PTPN9: variants seen among roughly 807,000 people sequenced by gnomAD.
PTPN9 encodes the protein tyrosine-protein phosphatase non-receptor type 9.
In PTPN9, 26 loss-of-function variants were observed where a neutral mutation model predicts 69.8. The observed-to-expected ratio is 0.37, with a 90% confidence interval of 0.27 to 0.52. The LOEUF (loss-of-function observed/expected upper bound fraction) is 0.52, where lower values mean the gene tolerates loss of function less well. PTPN9 is among the 20% of genes least tolerant of loss of function. The pLI, the probability that PTPN9 is intolerant of heterozygous loss-of-function variation, is 0.91. For missense variants in PTPN9, 549 were observed against 740.3 expected (o/e 0.74, Z 3.00); for synonymous variants, 274 against 272.5 (o/e 1.01, Z -0.05).
chr15:75,533,825 C>T (rs2141326342), intron 1 of PTPN9, among the ~76,000 whole-genome samples: 1 of 152,224 alleles, frequency 6.6e-6, no homozygotes, highest in African/African-American at 2.4e-5. Context: ...CTCCCAAGAG[C>T]AGCTATAATT....
chr15:75,561,412 T>C (rs2075103549), intron 1 of PTPN9, among the ~76,000 whole-genome samples: 2 of 150,266 alleles, frequency 1.3e-5, no homozygotes, highest in Admixed American at 6.6e-5. Context: ...AAATCTAGCT[T>C]AAAAACAGAA....
At chr15:75,560,709 T>C (rs2075100723) in intron 1 of PTPN9, among the ~76,000 whole-genome samples, 1 of 151,872 alleles carries the variant, frequency 6.6e-6, no homozygotes, top group South Asian at 2.1e-4. Context: ...CCCATCTATA[T>C]TTTGTTGCTG....
chr15:75,474,574 T>C (rs2074585825), intron 9 of PTPN9, among the ~76,000 whole-genome samples: 1 of 152,180 alleles, frequency 6.6e-6, no homozygotes, highest in Non-Finnish European at 1.5e-5. Context: ...TTAACAATAC[T>C]AGCATTCTTA....
chr15:75,529,208 A>C (rs2074944224), intron 1 of PTPN9, among the ~76,000 whole-genome samples: 1 of 152,000 alleles, frequency 6.6e-6, no homozygotes, highest in South Asian at 2.1e-4. Context: ...GCTGGTCTCC[A>C]ACTCCTGACC....
chr15:75,480,424 G>A (rs1370897420), intron 8 of PTPN9, among the ~76,000 whole-genome samples: 2 of 151,782 alleles, frequency 1.3e-5, no homozygotes, highest in African/African-American at 4.8e-5. Flanking sequence ...CTAACACGGC[G>A]AAACCCTGTC....
At chr15:75,512,491 C>T (rs773190392) in intron 5 of PTPN9, among the ~76,000 whole-genome samples, 33 of 152,140 alleles carry the variant, frequency 2.2e-4, no homozygotes, top group Non-Finnish European at 3.5e-4. Flanking sequence ...CTGGAGCCAG[C>T]TTAAGGTATT....
intron 1 of PTPN9, among the ~76,000 whole-genome samples, chr15:75,549,878 G>T (rs1163903732): frequency 1.3e-5 from 2 of 152,066 alleles, no homozygotes; most frequent in Non-Finnish European, 2.9e-5. Context: ...GGAGGCTGAG[G>T]TGGGAGGATT....
chr15:75,556,116 G>A (rs1038863317), intron 1 of PTPN9, among the ~76,000 whole-genome samples: 1 of 150,442 alleles, frequency 6.6e-6, no homozygotes, highest in African/African-American at 2.4e-5. Context: ...CCAGGCTGGA[G>A]TGCAGTGGCA....
At chr15:75,563,102 T>G (rs1156637621) in intron 1 of PTPN9, among the ~76,000 whole-genome samples, 1 of 152,160 alleles carries the variant, frequency 6.6e-6, no homozygotes, top group Non-Finnish European at 1.5e-5. Flanking sequence ...CACACTCAAG[T>G]AGGCCCAGGT....
In PTPN9 at chr15:75,469,909, A is replaced by G; in HGVS notation, c.1450T>C (p.Leu484=). The change falls in exon 12 of 13, where the codon TTG becomes CTG. Residue 484 remains leucine, a synonymous_variant. Transcript: ENST00000618819. ...PSSAASLIDF[L]RVVRNQQSLA... ...CTCTGCTGGTTTCTGACCACTCTCA[A>G]GAAGTCAATGAGGGAAGCTGCTGAG... 6.2e-7 allele frequency: 1 copy of G among 1,614,242 alleles called. No homozygotes were observed.
intron 7 of PTPN9, among the ~76,000 whole-genome samples, chr15:75,493,221 T>A (rs956111998): frequency 1.3e-5 from 2 of 149,792 alleles, no homozygotes; most frequent in Non-Finnish European, 1.5e-5. Flanking sequence ...TACAGAAGTT[T>A]AAAAAAAAAG....
chr15:75,484,764 A>G (rs1031782299), intron 8 of PTPN9, among the ~76,000 whole-genome samples: 96 of 152,316 alleles, frequency 6.3e-4, no homozygotes, highest in African/African-American at 2.2e-3. Flanking sequence ...TGCATTACAG[A>G]GAGGTCAGAC....
At chr15:75,563,715 C>G (rs528249780) in intron 1 of PTPN9, among the ~76,000 whole-genome samples, 1 of 152,116 alleles carries the variant, frequency 6.6e-6, no homozygotes. Flanking sequence ...TTCAGAAGTT[C>G]GAGTCCCTGT....
chr15:75,538,539 A>G (rs1002601230), intron 1 of PTPN9, among the ~76,000 whole-genome samples: 1 of 152,154 alleles, frequency 6.6e-6, no homozygotes, highest in Non-Finnish European at 1.5e-5. Context: ...TCTACAAAAA[A>G]TACAAAAATT....
intron 7 of PTPN9, among the ~76,000 whole-genome samples, chr15:75,503,590 A>G: frequency 7.8e-6 from 1 of 128,260 alleles, no homozygotes; most frequent in African/African-American, 3.0e-5. Flanking sequence ...TCCGGGAGGG[A>G]GGTGGGGGGG....
chr15:75,491,811 G>T (rs747635468), intron 7 of PTPN9, among the ~76,000 whole-genome samples: 2 of 152,114 alleles, frequency 1.3e-5, no homozygotes, highest in Non-Finnish European at 2.9e-5. Context: ...GGAGAGAAAT[G>T]GGGTATACCA....
At chr15:75,532,556 C>A (rs573040764) in intron 1 of PTPN9, among the ~76,000 whole-genome samples, 32 of 152,270 alleles carry the variant, frequency 2.1e-4, no homozygotes, top group African/African-American at 7.7e-4. Flanking sequence ...CTGTAGCTCC[C>A]AAGAGCTGTT....
rs189725409 is a variant in PTPN9, at chr15:75,469,717, G to T, written c.1567+75C>A. 2.4e-5 allele frequency: 35 copies of T among 1,486,016 alleles called. No homozygotes were observed. The South Asian group carries it at 3.4e-4, about 15-fold the overall frequency. The allele number at this position is 1,486,016 out of a possible 1,614,324, so 92.1% of individuals were successfully genotyped here. ...GAGTTCCTTCTCCAATCACAGATGT[G>T]GGCTAAGAGCTTTGTTTTTCCTCGT... On this transcript the variant is annotated intron_variant, in intron 12 of 12. Transcript: ENST00000618819.
At chr15:75,547,493 A>G (rs1003952050) in intron 1 of PTPN9, among the ~76,000 whole-genome samples, 5 of 151,930 alleles carry the variant, frequency 3.3e-5, no homozygotes. Context: ...AAACAAAACA[A>G]GACAAAAAAA....
Sources: allele counts gnomAD v4.1 joint callset (sites outside exome capture counted in the v4.1 genomes callset), GRCh38; gene constraint gnomAD v4.1.1; transcripts MANE v1.5; gene names NCBI Gene and HGNC (gene_info 2026-07-23, HGNC 2026-07-21).